The following CADPS2 variants were observed in gnomAD, a reference collection of about 807,000 sequenced individuals.
CADPS2 encodes the protein calcium-dependent secretion activator 2.
A neutral mutation model predicts 172.5 loss-of-function variants in CADPS2; 93 were observed. The observed-to-expected ratio is 0.54, with a 90% CI of 0.46 to 0.64. CADPS2 has a LOEUF of 0.64. Among genes scored for constraint, CADPS2 ranks in the 30% least tolerant of loss-of-function variants. The pLI, the probability that CADPS2 is intolerant of heterozygous loss-of-function variation, is 0.00. For synonymous variants in CADPS2, 546 were observed against 555.2 expected, an observed-to-expected ratio of 0.98 and a Z score of 0.23; for missense variants, 1,420 against 1,565.9, an observed-to-expected ratio of 0.91 and a Z score of 1.57.
At chr7:122,492,313 A>G (rs1220458927) in intron 9 of CADPS2, among the ~76,000 whole-genome samples, 1 of 152,200 alleles carries the variant, frequency 6.6e-6, no homozygotes, top group Non-Finnish European at 1.5e-5. Flanking sequence ...TTGGGCAGCC[A>G]GTGACAACAT....
intron 24 of CADPS2, 24 bp from the exon 25 acceptor site, chr7:122,379,466 C>T (rs1474397000): frequency 2.0e-6 from 3 of 1,475,200 alleles, no homozygotes; most frequent in African/African-American, 1.4e-5. Context: ...GATAAAAACT[C>T]ATTAGTTGAC....
intron 2 of CADPS2, among the ~76,000 whole-genome samples, chr7:122,732,108 C>CT (rs1341341917): frequency 1.3e-5 from 2 of 151,462 alleles, no homozygotes; most frequent in Non-Finnish European, 3.0e-5. Context: ...CACACAAAGA[C>CT]ACCCCCCACC....
At chr7:122,686,246 G>A (rs1168781631) in intron 2 of CADPS2, among the ~76,000 whole-genome samples, 2 of 152,122 alleles carry the variant, frequency 1.3e-5, no homozygotes. Context: ...TGTGATAGTG[G>A]TAGCGGATAG....
intron 7 of CADPS2, among the ~76,000 whole-genome samples, chr7:122,571,318 G>GTA (rs1563738374): frequency 6.6e-6 from 1 of 152,096 alleles, no homozygotes; most frequent in Admixed American, 6.6e-5. Flanking sequence ...GAAGGCATTA[G>GTA]TACAGTGTAC....
intron 1 of CADPS2, among the ~76,000 whole-genome samples, chr7:122,783,548 C>T (rs1427007226): frequency 6.6e-6 from 1 of 152,176 alleles, no homozygotes; most frequent in Non-Finnish European, 1.5e-5. Flanking sequence ...TGTACACTGA[C>T]ACACAGATAT....
chr7:122,829,395 T>A (rs947238665), intron 1 of CADPS2, among the ~76,000 whole-genome samples: 1 of 152,216 alleles, frequency 6.6e-6, no homozygotes, highest in Non-Finnish European at 1.5e-5. Flanking sequence ...GAAACATCGC[T>A]GGATCAATTT....
rs1028047422 is a variant in CADPS2, at chr7:122,436,002, A to G, written c.2476+2339T>C. Reference sequence around the variant, plus strand: ...TGAAGCGGTATTATTCACAGGGCACAAAGTCTAAGTTATTCAAGATATAGA... The same window carrying G: ...TGAAGCGGTATTATTCACAGGGCACGAAGTCTAAGTTATTCAAGATATAGA... On this transcript the variant is annotated intron_variant, in intron 17 of 29. Transcript: ENST00000449022. Among the ~76,000 whole-genome samples the G allele has an allele frequency of 2.6e-5, 4 of 152,128 alleles. No homozygotes were observed. The East Asian group carries it at 7.7e-4, about 29-fold the overall frequency.
intron 1 of CADPS2, among the ~76,000 whole-genome samples, chr7:122,856,929 T>A (rs1199343965): frequency 6.6e-6 from 1 of 152,200 alleles, no homozygotes; most frequent in Non-Finnish European, 1.5e-5. Context: ...ATTCAATATA[T>A]GTTACAAGTC....
rs376323191 is a variant in CADPS2, at chr7:122,393,237, G to A, written c.2967C>T (p.Asn989=). ...SLPLNLPQIP[N]ISTASWMPSL... ...AAGGCATCCACGAAGCAGTAGAAAT[G>A]TTAGGAATCTGTGGAAGATTAAGAG... The change falls in exon 22 of 30, where the codon AAC becomes AAT. Residue 989 remains asparagine (N), a synonymous_variant. Transcript: ENST00000449022. The A allele has an allele frequency of 6.2e-7, 1 of 1,613,730 alleles. No individual in the cohort carries two copies. The highest frequency in any genetic ancestry group is 1.3e-5 in the African/African-American group (1 of 74,890).
intron 3 of CADPS2, among the ~76,000 whole-genome samples, chr7:122,658,373 G>C (rs2080082570): frequency 6.8e-6 from 1 of 148,050 alleles, no homozygotes; most frequent in Non-Finnish European, 1.5e-5. Context: ...CATTCGACCA[G>C]CCATCCCATT....
intron 16 of CADPS2, chr7:122,439,330 T>A (rs552745688): frequency 1.3e-5 from 2 of 152,214 alleles, no homozygotes; most frequent in African/African-American, 2.4e-5. Context: ...TCTTTCTGCA[T>A]ATTTAATGCA....
intron 20 of CADPS2, among the ~76,000 whole-genome samples, chr7:122,400,344 G>A (rs894990902): frequency 6.6e-6 from 1 of 152,078 alleles, no homozygotes; most frequent in African/African-American, 2.4e-5. Flanking sequence ...GGCTGAGGCA[G>A]GAGAATTGCT....
At chr7:122,647,128 C>T (rs761161195) in intron 3 of CADPS2, among the ~76,000 whole-genome samples, 11 of 152,078 alleles carry the variant, frequency 7.2e-5, no homozygotes, top group South Asian at 4.1e-4. Flanking sequence ...CAGTGCGAAA[C>T]GAGGAATTGA....
At chr7:122,478,786 T>C (rs2056981427) in intron 12 of CADPS2, among the ~76,000 whole-genome samples, 5 of 152,024 alleles carry the variant, frequency 3.3e-5, no homozygotes, top group Admixed American at 3.3e-4. Context: ...ATTCAAATCC[T>C]AGGAAAGGCA....
chr7:122,638,227 G>A (rs928643256), intron 3 of CADPS2, among the ~76,000 whole-genome samples: 4 of 152,106 alleles, frequency 2.6e-5, no homozygotes, highest in African/African-American at 9.7e-5. Context: ...TACCCTTTCT[G>A]GAAAGCCCTT....
intron 1 of CADPS2, among the ~76,000 whole-genome samples, chr7:122,794,875 G>A (rs1303064508): frequency 6.6e-6 from 1 of 151,920 alleles, no homozygotes; most frequent in Non-Finnish European, 1.5e-5. Context: ...TGAATTGGGG[G>A]AAATAATGAA....
chr7:122,443,651 T>G (rs531296820), intron 15 of CADPS2, among the ~76,000 whole-genome samples: 11 of 142,332 alleles, frequency 7.7e-5, no homozygotes, highest in African/African-American at 2.3e-4. Context: ...TCTTTTATCT[T>G]TTTTTTTTTT....
intron 3 of CADPS2, among the ~76,000 whole-genome samples, chr7:122,652,884 T>G (rs983616607): frequency 2.0e-5 from 3 of 152,186 alleles, no homozygotes; most frequent in Non-Finnish European, 4.4e-5. Context: ...AACTATGGTA[T>G]GTGCTATCTT....
At chr7:122,706,263 TATATATGTTTATATATTCAAGGA>T (rs537289158) in intron 2 of CADPS2, among the ~76,000 whole-genome samples, 594 of 12,548 alleles carry the variant, frequency 0.047, 71 homozygotes, top group East Asian at 0.16. Flanking sequence ...TCAAGGAATA[TATATATGTTTATATATTCAAGGA>T]ATATATATAT....
Sources: allele counts gnomAD v4.1 joint callset (sites outside exome capture counted in the v4.1 genomes callset), GRCh38; gene constraint gnomAD v4.1.1; transcripts MANE v1.5; gene names NCBI Gene and HGNC (gene_info 2026-07-23, HGNC 2026-07-21).